The following HYAL4 variants were observed in gnomAD, a reference collection of about 807,000 sequenced individuals.
The protein encoded by HYAL4 is hyaluronidase 4, also known as hyaluronidase-4.
A neutral mutation model predicts 35.2 loss-of-function variants in HYAL4; 37 were observed. The ratio of observed to expected loss-of-function variants is 1.05; its 90% CI spans 0.81 to 1.38. HYAL4 has a LOEUF of 1.38. Ranked by LOEUF, HYAL4 falls within the 40% of genes most tolerant of loss-of-function variation. The probability of loss-of-function intolerance (pLI) is 0.00; values close to 1 mark genes in which losing one functional copy is unlikely to be tolerated. For synonymous variants in HYAL4, 198 were observed against 203.2 expected (o/e 0.97, Z 0.22); for missense variants, 572 against 572.4 (o/e 1.00, Z 0.01).
the HYAL4 span, among the ~76,000 whole-genome samples, chr7:123,794,851 G>C: frequency 1.3e-5 from 2 of 152,230 alleles, no homozygotes; most frequent in African/African-American, 4.8e-5. Context: ...GCCTGGTGAA[G>C]CTGTGAGAAG....
chr7:123,866,224 G>A (rs1806684118), intron 2 of HYAL4, among the ~76,000 whole-genome samples: 1 of 152,152 alleles, frequency 6.6e-6, no homozygotes, highest in Non-Finnish European at 1.5e-5. Flanking sequence ...TGTCCCTTGA[G>A]GACAATATCT....
At chr7:123,856,713 G>A (rs1806445471) in intron 2 of HYAL4, among the ~76,000 whole-genome samples, 1 of 152,198 alleles carries the variant, frequency 6.6e-6, no homozygotes, top group Non-Finnish European at 1.5e-5. Context: ...CTTGATCACT[G>A]TGCTGGGAGA....
the HYAL4 span, among the ~76,000 whole-genome samples, chr7:123,783,662 T>G: frequency 6.6e-6 from 1 of 152,108 alleles, no homozygotes; most frequent in African/African-American, 2.4e-5. Flanking sequence ...CCATGTTCCA[T>G]GCTGCTGGGA....
intron 2 of HYAL4, among the ~76,000 whole-genome samples, chr7:123,861,879 G>T (rs1034563902): frequency 2.0e-5 from 3 of 152,076 alleles, no homozygotes; most frequent in African/African-American, 7.2e-5. Flanking sequence ...GGGCCTTAAT[G>T]AAATACTGTT....
the HYAL4 span, among the ~76,000 whole-genome samples, chr7:123,778,261 C>G: frequency 2.6e-5 from 4 of 151,898 alleles, no homozygotes; most frequent in African/African-American, 4.8e-5. Flanking sequence ...TTCTTTACTC[C>G]AAAATACATC....
chr7:123,789,963 T>C, the HYAL4 span, among the ~76,000 whole-genome samples: 4 of 152,106 alleles, frequency 2.6e-5, no homozygotes, highest in East Asian at 1.9e-4. Context: ...CACACAATTA[T>C]GGGGGCTGGC....
At chr7:123,809,632 C>T in the HYAL4 span, among the ~76,000 whole-genome samples, 1 of 152,058 alleles carries the variant, frequency 6.6e-6, no homozygotes, top group Non-Finnish European at 1.5e-5. Flanking sequence ...TTCCTGGCCT[C>T]CAGTGTTCTG....
chr7:123,808,418 C>CAT, the HYAL4 span, among the ~76,000 whole-genome samples: 6 of 142,590 alleles, frequency 4.2e-5, no homozygotes, highest in African/African-American at 1.6e-4. Flanking sequence ...TGTATCATCA[C>CAT]GTGTGTGTGT....
chr7:123,803,230 C>G, the HYAL4 span, among the ~76,000 whole-genome samples: 11 of 152,162 alleles, frequency 7.2e-5, no homozygotes, highest in Middle Eastern at 6.8e-3. Context: ...GAGTTTGAGG[C>G]CTGCCTGGGC....
At position 123,846,798 on chromosome 7, in the gene HYAL4, C is replaced by G. The variant is rs549834308; in HGVS notation, c.-122+1113C>G. The stretch of plus-strand genomic sequence containing the variant: ...GGCAGAAATAGCTTCCCAGGGGACT[C>G]AGAGAGTCCACAGGGCTTTTCTTGC... On this transcript the variant is annotated intron_variant, in intron 1 of 4. Coordinates refer to ENST00000223026, the MANE Select transcript of HYAL4 (RefSeq NM_012269.3). Among the ~76,000 whole-genome samples, 8 of 152,328 alleles carry G rather than the reference C, an allele frequency of 5.3e-5. No individual in the cohort carries two copies. The South Asian group carries it at 1.7e-3, about 32-fold the overall frequency.
At chr7:123,783,028 CAAATAT>C in the HYAL4 span, among the ~76,000 whole-genome samples, 2 of 151,566 alleles carry the variant, frequency 1.3e-5, no homozygotes, top group African/African-American at 2.4e-5. Context: ...ATTTATAAAT[CAAATAT>C]AAATATAAAG....
intron 3 of HYAL4, among the ~76,000 whole-genome samples, chr7:123,870,744 A>G (rs1044473352): frequency 4.6e-5 from 7 of 150,984 alleles, no homozygotes; most frequent in Non-Finnish European, 8.9e-5. Context: ...TGGGCGACAG[A>G]GCGAAACTCC....
At chr7:123,765,214 G>A in the HYAL4 span, among the ~76,000 whole-genome samples, 1 of 151,874 alleles carries the variant, frequency 6.6e-6, no homozygotes. Flanking sequence ...AAAAAAAATT[G>A]TCACTCTGAG....
At chr7:123,792,804 T>C in the HYAL4 span, among the ~76,000 whole-genome samples, 2 of 152,264 alleles carry the variant, frequency 1.3e-5, no homozygotes, top group East Asian at 3.9e-4. Context: ...CATCCTAGCC[T>C]TCTACTGTCA....
Position 123,868,409 on chromosome 7 carries a change from A to C in HYAL4, c.136A>C (p.Lys46Gln). 6.2e-7 allele frequency: 1 copy of C among 1,612,866 alleles called. No individual in the cohort carries two copies. The highest frequency in any genetic ancestry group is 8.5e-7 in the Non-Finnish European group (1 of 1,179,386). The change falls in exon 3 of 5, where the codon AAA (lysine) becomes CAA (glutamine). Residue 46 changes from lysine to glutamine, a missense_variant. By Grantham distance (53) the Lys-to-Gln change is moderately conservative (BLOSUM62 1). Coordinates refer to ENST00000223026, the MANE Select transcript of HYAL4 (RefSeq NM_012269.3). The stretch of plus-strand genomic sequence containing the variant: ...TGCTCGACTTCCAATTTATCAAAGG[A>C]AACCTTTTATAGCTGCTTGGAATGC... ...KPARLPIYQRKPFIAAWNAPT... is the reference protein window; with the variant it reads ...KPARLPIYQRQPFIAAWNAPT...
At chr7:123,852,250 C>T (rs759502108) in intron 2 of HYAL4, among the ~76,000 whole-genome samples, 1 of 152,150 alleles carries the variant, frequency 6.6e-6, no homozygotes, top group Non-Finnish European at 1.5e-5. Context: ...TAATTAGATC[C>T]CATTTGTCAA....
the HYAL4 span, among the ~76,000 whole-genome samples, chr7:123,809,013 T>C: frequency 6.6e-6 from 1 of 152,142 alleles, no homozygotes; most frequent in Non-Finnish European, 1.5e-5. Context: ...GACACAAATA[T>C]TCAGACCATA....
intron 1 of HYAL4, among the ~76,000 whole-genome samples, chr7:123,838,429 A>C (rs1280193700): frequency 6.6e-6 from 1 of 152,112 alleles, no homozygotes. Flanking sequence ...TATGACGGAC[A>C]ACCCCAACAA....
At chr7:123,768,237 A>G in the HYAL4 span, among the ~76,000 whole-genome samples, 813 of 152,348 alleles carry the variant, frequency 5.3e-3, 10 homozygotes, top group African/African-American at 0.019. Context: ...AAAAATAAAT[A>G]ACATTTACAA....
Sources: allele counts gnomAD v4.1 joint callset (sites outside exome capture counted in the v4.1 genomes callset), GRCh38; gene constraint gnomAD v4.1.1; transcripts MANE v1.5; gene names NCBI Gene and HGNC (gene_info 2026-07-23, HGNC 2026-07-21).